Variants in INTS10 observed in about 807,000 individuals in gnomAD.
INTS10 encodes integrator complex subunit 10.
INTS10 carries 44 observed loss-of-function variants against 94.4 expected under a neutral mutation model. The observed-to-expected ratio is 0.47, with a 90% CI of 0.37 to 0.60. The LOEUF is 0.60. INTS10 is among the 20% of genes least tolerant of loss of function. INTS10 has a pLI of 0.00. For missense variants in INTS10, 797 were observed against 868.7 expected (o/e 0.92, Z 1.04); for synonymous variants, 341 against 320.7 (o/e 1.06, Z -0.68).
chr8:19,835,578 G>A (rs1238107120), intron 12 of INTS10, among the ~76,000 whole-genome samples: 1 of 152,222 alleles, frequency 6.6e-6, no homozygotes, highest in Non-Finnish European at 1.5e-5. Flanking sequence ...AAGATTGGCT[G>A]GAGATGGGCA....
chr8:19,826,022 C>T (rs557694656), intron 8 of INTS10, among the ~76,000 whole-genome samples: 14 of 152,264 alleles, frequency 9.2e-5, no homozygotes, highest in African/African-American at 1.4e-4. Context: ...TTTCTCATGA[C>T]AGTTGAGTAA....
chr8:19,818,426 G>A (rs996175272), intron 2 of INTS10, 84 bp downstream of exon 2: 3 of 1,378,584 alleles, frequency 2.2e-6, no homozygotes, highest in Non-Finnish European at 3.1e-6. Flanking sequence ...GGGAGTTGGG[G>A]GAAGATCTTC....
chr8:19,818,228 C>T (rs369354065), intron 1 of INTS10, 47 bp from the exon 2 acceptor site: 2 of 1,583,310 alleles, frequency 1.3e-6, no homozygotes, highest in Admixed American at 1.7e-5. Context: ...GAGCTGGGAG[C>T]CTTCTGGGCA....
rs981155917 is a variant in INTS10 at position 19,848,943 on chromosome 8, C to T, written c.1977-2706C>T. The T allele has an allele frequency of 1.3e-4, 28 of 221,140 alleles. 1 individual carries two copies. The highest frequency in any genetic ancestry group is 8.3e-4 in the South Asian group (18 of 21,784). The allele number at this position is 221,140 out of a possible 1,614,324, so 13.7% of individuals were successfully genotyped here. ...TGAGCTCTGGGACCAGGAACTGAGA[C>T]GCCTCTGGACACGCACCAGCAGCAG... On this transcript the variant is annotated intron_variant, in intron 16 of 16. Coordinates refer to ENST00000397977, the MANE Select transcript of INTS10 (RefSeq NM_018142.4).
rs1363466536 is a variant in INTS10, at chr8:19,851,510, A to C, written c.1977-139A>C. On this transcript the variant is annotated intron_variant, in intron 16 of 16. Coordinates refer to ENST00000397977, the MANE Select transcript of INTS10 (RefSeq NM_018142.4). The surrounding 1 kb of genome is among the most constrained non-coding windows in gnomAD (Gnocchi z 5.0). The stretch of plus-strand genomic sequence containing the variant: ...TGGGCTGGAATGTTTGGTTGGTTGC[A>C]GCTATTCTTGTGTTCTTTTTAAAAT... 1.6e-5 allele frequency: 12 copies of C among 732,382 alleles called. No individual in the cohort carries two copies. Among genetic ancestry groups the C allele is most frequent in the Non-Finnish European group, 2.5e-5 (11 of 441,342 alleles). The allele number at this position is 732,382 out of a possible 1,614,324, so 45.4% of individuals were successfully genotyped here.
rs2066451944 is a variant in INTS10 at position 19,822,438 on chromosome 8, G to C, written c.442-1G>C. On this transcript the variant is annotated splice_acceptor_variant, in intron 4 of 16. Coordinates refer to ENST00000397977, the MANE Select transcript of INTS10 (RefSeq NM_018142.4). LOFTEE classifies it high-confidence loss of function. ...AAATGAGTAATTTTGTTTTGAAATAGGTTGGCCTTGGGGAGGCACTATTAG... is the reference window on the plus strand; with the variant it reads ...AAATGAGTAATTTTGTTTTGAAATACGTTGGCCTTGGGGAGGCACTATTAG... The C allele has an allele frequency of 6.3e-7, 1 of 1,594,736 alleles. No individual in the cohort carries two copies.
chr8:19,831,962 TGTTA>T, intron 10 of INTS10, 62 bp from the exon 11 acceptor site: 2 of 908,678 alleles, frequency 2.2e-6, no homozygotes, highest in Non-Finnish European at 1.9e-6. Context: ...TTACTGGATT[TGTTA>T]GTTTGTTTTC....
intron 12 of INTS10, among the ~76,000 whole-genome samples, chr8:19,834,008 A>G (rs2128783468): frequency 6.7e-6 from 1 of 148,198 alleles, no homozygotes; most frequent in Non-Finnish European, 1.5e-5. Context: ...CTCTGTCTCA[A>G]AAAAAAAAAA....
chr8:19,849,092 AGT>A lies in INTS10; in HGVS notation c.1977-2554_1977-2553del, dbSNP rs1029743191. 4 of 621,588 alleles carry A rather than the reference AGT, an allele frequency of 6.4e-6. No homozygotes were observed. The African/African-American group carries it at 7.6e-5, about 12-fold the overall frequency. The allele number at this position is 621,588 out of a possible 1,614,324, so 38.5% of individuals were successfully genotyped here. A position where few individuals can be genotyped will look rare whatever the true frequency, so the allele number is the denominator to read the frequency against. ...TTCTAGTCTTGTGTATTTTCTCTGG[AGT>A]GTTGTTTTTGCAGTGCAGGGTGAGT... On this transcript the variant is annotated intron_variant, in intron 16 of 16. Transcript: ENST00000397977. The surrounding 1 kb of genome is among the most constrained non-coding windows in gnomAD (Gnocchi z 4.6).
intron 10 of INTS10, 94 bp from the exon 11 acceptor site, chr8:19,831,934 G>T: frequency 1.3e-6 from 1 of 761,524 alleles, no homozygotes; most frequent in Admixed American, 1.9e-5. Context: ...ATTTTTGGTA[G>T]GTTGTCTCTC....
rs1443152716 is a variant in INTS10, at chr8:19,826,419, T to C, written c.1007-7T>C. 1.2e-6 allele frequency: 2 copies of C among 1,605,042 alleles called. No homozygotes were observed. Among genetic ancestry groups the C allele is most frequent in the Admixed American group, 1.7e-5 (1 of 57,672 alleles). ...TGGTAAGTGTTGGTGTTTTTCCCCG[T>C]CCTTAGGTCCTAATGCCCCGAGCCA... is the stretch of plus-strand genomic sequence containing the variant. On this transcript the variant is annotated splice_region_variant and splice_polypyrimidine_tract_variant and intron_variant, in intron 8 of 16. Coordinates refer to ENST00000397977, the MANE Select transcript of INTS10 (RefSeq NM_018142.4).
Position 19,846,688 on chromosome 8 carries a change from A to G in INTS10, c.1976+891A>G, listed in dbSNP as rs1300967583. ...TCCCCTGAACTCACAAGATGTTACT[A>G]AAATTCCGGGTTGGCCCAGATGAAA... On this transcript the variant is annotated intron_variant, in intron 16 of 16. Transcript: ENST00000397977. This position sits in a 1 kb window ranked among gnomAD's most constrained non-coding sequence, Gnocchi z 4.2. 6.6e-6 allele frequency among the ~76,000 whole-genome samples: 1 copy of G among 152,184 alleles called. No individual in the cohort carries two copies. The highest frequency in any genetic ancestry group is 1.9e-4 in the East Asian group (1 of 5,190).
chr8:19,820,557 C>A, intron 4 of INTS10, 39 bp downstream of exon 4: 1 of 1,575,226 alleles, frequency 6.3e-7, no homozygotes, highest in Non-Finnish European at 8.7e-7. Flanking sequence ...ATATAAAATA[C>A]AATGGGTCAT....
chr8:19,850,005 C>A (rs1590083342), intron 16 of INTS10, among the ~76,000 whole-genome samples: 1 of 151,862 alleles, frequency 6.6e-6, no homozygotes, highest in Non-Finnish European at 1.5e-5. Flanking sequence ...TGCCTGTAAT[C>A]CCAGCTACTC....
intron 3 of INTS10, 111 bp downstream of exon 3, chr8:19,819,787 T>A: frequency 1.3e-6 from 1 of 753,584 alleles, no homozygotes. Flanking sequence ...GTATGTTTTA[T>A]TCTTGGCAAC....
chr8:19,826,591 T>C, intron 9 of INTS10, 32 bp downstream of exon 9: 3 of 1,584,624 alleles, frequency 1.9e-6, no homozygotes, highest in Non-Finnish European at 2.6e-6. Context: ...ATTAACAGAT[T>C]GGATGGGACG....
rs530908689 is a variant in INTS10, at chr8:19,823,462, C to G, written c.664+21C>G. 47 of 1,535,382 alleles carry G rather than the reference C, an allele frequency of 3.1e-5. No individual in the cohort carries two copies. In the South Asian group the frequency reaches 4.9e-4, roughly 16 times the overall value. On this transcript the variant is annotated intron_variant, in intron 6 of 16. Coordinates refer to ENST00000397977, the MANE Select transcript of INTS10 (RefSeq NM_018142.4). ...TCAAGGTAAGTAGGAATACCCTGTA[C>G]TTTTACTTAAATAGGCTTTAGTAAT...
At chr8:19,847,393 G>A (rs1487577330) in intron 16 of INTS10, among the ~76,000 whole-genome samples, 1 of 152,170 alleles carries the variant, frequency 6.6e-6, no homozygotes, top group African/African-American at 2.4e-5. Context: ...ATTCTTAACA[G>A]TGTTTGGGGA....
intron 12 of INTS10, among the ~76,000 whole-genome samples, chr8:19,836,475 A>C (rs1386224903): frequency 6.6e-6 from 1 of 152,178 alleles, no homozygotes; most frequent in Non-Finnish European, 1.5e-5. Flanking sequence ...GCCCTCAAGT[A>C]AATCACCTAA....
Sources: gnomAD v4.1 joint callset for allele counts (sites outside exome capture counted in the v4.1 genomes callset) on GRCh38, gnomAD v4.1.1 for gene constraint, Gnocchi (gnomAD v3.1) non-coding constraint, MANE v1.5 for transcripts, NCBI Gene and HGNC (gene_info 2026-07-23, HGNC 2026-07-21) for gene names.